Variants in SLC4A3 observed in about 807,000 individuals in gnomAD.
The protein encoded by SLC4A3 is solute carrier family 4 member 3.
Under a neutral mutation model 114.2 loss-of-function variants are expected in SLC4A3, and 47 were observed. The ratio of observed to expected loss-of-function variants is 0.41; its 90% CI spans 0.33 to 0.52. The LOEUF is 0.52. Among genes scored for constraint, SLC4A3 ranks in the 20% least tolerant of loss-of-function variants. SLC4A3 has a pLI of 0.21. For missense variants in SLC4A3, 1,312 were observed against 1,668.3 expected (o/e 0.79, Z 3.72); for synonymous variants, 693 against 710.3 (o/e 0.98, Z 0.39).
chr2:219,633,690 G>T (rs1000081988), intron 10 of SLC4A3, among the ~76,000 whole-genome samples, 190 bp from the exon 11 acceptor site: 1 of 152,218 alleles, frequency 6.6e-6, no homozygotes, highest in African/African-American at 2.4e-5. Flanking sequence ...TAAGGCTGAG[G>T]TGGTAGTTGG....
intron 12 of SLC4A3, 52 bp downstream of exon 12, chr2:219,634,656 CT>C (rs1197157508): frequency 1.3e-6 from 2 of 1,575,092 alleles, no homozygotes. Flanking sequence ...CTGCTTACCC[CT>C]GTCCCTCATT....
At position 219,637,378 on chromosome 2, in the gene SLC4A3, G is replaced by T. The variant is rs1282810993; in HGVS notation, c.2536-203G>T. ...TTTTTGTGTTGTATGTGTTATGTGT[G>T]TGTTGTTACGTGTTGTGTGTGTTGT... On this transcript the variant is annotated intron_variant, in intron 16 of 22. Coordinates refer to ENST00000358055, the MANE Select transcript of SLC4A3 (RefSeq NM_005070.4). The surrounding 1 kb of genome is among the most constrained non-coding windows in gnomAD (Gnocchi z 4.6). Among the ~76,000 whole-genome samples, 5 of 151,896 alleles carry T rather than the reference G, an allele frequency of 3.3e-5. No homozygotes were observed. Among genetic ancestry groups the T allele is most frequent in the Non-Finnish European group, 5.9e-5 (4 of 67,904 alleles).
In SLC4A3 at chr2:219,628,370, C is replaced by T; in HGVS notation, c.52-35C>T. The T allele has an allele frequency of 6.3e-7, 1 of 1,576,410 alleles. No homozygotes were observed. The highest frequency in any genetic ancestry group is 1.2e-5 in the South Asian group (1 of 85,334). On this transcript the variant is annotated intron_variant, in intron 2 of 22. Coordinates refer to ENST00000358055, the MANE Select transcript of SLC4A3 (RefSeq NM_005070.4). The surrounding 1 kb of genome is among the most constrained non-coding windows in gnomAD (Gnocchi z 4.8). ...GGGTGGGTGTGGGGCCTTCATGGGTCAGGGGTCCTTAGCAGAGGCCGTCTG... is the reference window on the plus strand; with the variant it reads ...GGGTGGGTGTGGGGCCTTCATGGGTTAGGGGTCCTTAGCAGAGGCCGTCTG...
chr2:219,638,817 G>C lies in SLC4A3; in HGVS notation c.2971G>C (p.Val991Leu), dbSNP rs1160741052. The change falls in exon 19 of 23, where the codon GTT (valine) becomes CTT (leucine). Residue 991 changes from valine (V) to leucine (L), a missense_variant. Coordinates refer to ENST00000358055, the MANE Select transcript of SLC4A3 (RefSeq NM_005070.4). The surrounding 1 kb of genome is among the most constrained non-coding windows in gnomAD (Gnocchi z 7.5). ...GCCGTGGATGATGGTGGCAGCCGCT[G>C]TTCCCGCCCTCCTCGTCCTCATCCT... ...FPPWMMVAAAVPALLVLILIF... is the reference protein window; with the variant it reads ...FPPWMMVAAALPALLVLILIF... 1.9e-6 allele frequency: 3 copies of C among 1,614,168 alleles called. No homozygotes were observed. Among genetic ancestry groups the C allele is most frequent in the Non-Finnish European group, 2.5e-6 (3 of 1,180,042 alleles).
chr2:219,638,445 C>G lies in SLC4A3; in HGVS notation c.2856+192C>G, dbSNP rs542860424. On this transcript the variant is annotated intron_variant, in intron 18 of 22. Transcript: ENST00000358055. This position sits in a 1 kb window ranked among gnomAD's most constrained non-coding sequence, Gnocchi z 7.5. ...GAATCCGGGAGAAGCAGGTGTGGGG[C>G]TGGGAGCAGAATGACAGTATCCCAC... Among the ~76,000 whole-genome samples, 1 of 152,184 alleles carries G rather than the reference C, an allele frequency of 6.6e-6. No homozygotes were observed. The highest frequency in any genetic ancestry group is 1.5e-5 in the Non-Finnish European group (1 of 68,014).
rs150845324 is a variant in SLC4A3 at position 219,634,260 on chromosome 2, A to G, written c.1562-160A>G. Among the ~76,000 whole-genome samples, 16 of 152,360 alleles carry G rather than the reference A, an allele frequency of 1.1e-4. No homozygotes were observed. The East Asian group carries it at 2.3e-3, about 22-fold the overall frequency. On this transcript the variant is annotated intron_variant, in intron 11 of 22. Transcript: ENST00000358055. Reference sequence around the variant, plus strand: ...TTCCATCTGTTGGCGAATTGTAATCAATGTGTAGACACATAAGCGAATAGT... The same window carrying G: ...TTCCATCTGTTGGCGAATTGTAATCGATGTGTAGACACATAAGCGAATAGT...
At position 219,639,635 on chromosome 2, in the gene SLC4A3, G is replaced by A. The variant is rs138004203; in HGVS notation, c.3177G>A (p.Ala1059=). 167 of 1,613,640 alleles carry A rather than the reference G, an allele frequency of 1.0e-4. No individual in the cohort carries two copies. The highest frequency in any genetic ancestry group is 1.3e-4 in the Non-Finnish European group (157 of 1,180,030). ...TCCGCTCCGTCACCCATGTCAATGCGTTGACAGTGATGCGTACTGCCATCG... is the reference window on the plus strand; with the variant it reads ...TCCGCTCCGTCACCCATGTCAATGCATTGACAGTGATGCGTACTGCCATCG... ...ATVRSVTHVN[A]LTVMRTAIAP... The change falls in exon 20 of 23, where the codon GCG becomes GCA. Residue 1059 remains alanine, a synonymous_variant. Coordinates refer to ENST00000358055, the MANE Select transcript of SLC4A3 (RefSeq NM_005070.4). The surrounding 1 kb of genome is among the most constrained non-coding windows in gnomAD (Gnocchi z 5.9).
In SLC4A3 at chr2:219,636,012, G is replaced by A; in HGVS notation, c.2191+121G>A. 1.2e-6 allele frequency: 1 copy of A among 820,848 alleles called. No homozygotes were observed. The highest frequency in any genetic ancestry group is 1.9e-6 in the Non-Finnish European group (1 of 540,524). 50.8% of individuals were successfully genotyped at this position (820,848 alleles called of 1,614,324 possible). ...AGGGGGCCAATGGTTAGATGTGCTA[G>A]CAAAGGTGTAAGCACCTTACAGAGA... On this transcript the variant is annotated intron_variant, in intron 14 of 22. Transcript: ENST00000358055. The surrounding 1 kb of genome is among the most constrained non-coding windows in gnomAD (Gnocchi z 5.5).
At position 219,631,152 on chromosome 2, in the gene SLC4A3, A is replaced by G. The variant is rs540858431; in HGVS notation, c.811+800A>G. 7.6e-6 allele frequency: 9 copies of G among 1,178,078 alleles called. No individual in the cohort carries two copies. The South Asian group carries it at 1.5e-4, about 20-fold the overall frequency. 73.0% of individuals were successfully genotyped at this position (1,178,078 alleles called of 1,614,324 possible). On this transcript the variant is annotated intron_variant, in intron 6 of 22. Coordinates refer to ENST00000358055, the MANE Select transcript of SLC4A3 (RefSeq NM_005070.4). The surrounding 1 kb of genome is among the most constrained non-coding windows in gnomAD (Gnocchi z 6.3). ...GTGCCACCTTCAGCTCTGGTTGGAC[A>G]GAAGCCACCCCGTCCAGGCTCCCAC... is the stretch of plus-strand genomic sequence containing the variant.
rs1698779730 is a variant in SLC4A3, at chr2:219,628,064, C to T, written c.51+21C>T. 3 of 1,526,496 alleles carry T rather than the reference C, an allele frequency of 2.0e-6. No individual in the cohort carries two copies. Among genetic ancestry groups the T allele is most frequent in the Non-Finnish European group, 2.6e-6 (3 of 1,134,680 alleles). 94.6% of individuals were successfully genotyped at this position (1,526,496 alleles called of 1,614,324 possible). A position where few individuals can be genotyped will look rare whatever the true frequency, so the allele number is the denominator to read the frequency against. On this transcript the variant is annotated intron_variant, in intron 2 of 22. Coordinates refer to ENST00000358055, the MANE Select transcript of SLC4A3 (RefSeq NM_005070.4). The surrounding 1 kb of genome is among the most constrained non-coding windows in gnomAD (Gnocchi z 4.8). Reference sequence around the variant, plus strand: ...CCCAGGTGATCGGCGCGCGCGGGGGCGGGGGAGAGATGGGGGAGGAGAGGG... The same window carrying T: ...CCCAGGTGATCGGCGCGCGCGGGGGTGGGGGAGAGATGGGGGAGGAGAGGG...
rs1699151876 is a variant in SLC4A3, at chr2:219,637,264, T to C, written c.2536-317T>C. Reference sequence around the variant, plus strand: ...TTGTGTGTGATGTATGTGTTGTGTGTGTGTGCGTGTGTGTGCCTGTGTGTG... The same window carrying C: ...TTGTGTGTGATGTATGTGTTGTGTGCGTGTGCGTGTGTGTGCCTGTGTGTG... On this transcript the variant is annotated intron_variant, in intron 16 of 22. Coordinates refer to ENST00000358055, the MANE Select transcript of SLC4A3 (RefSeq NM_005070.4). The surrounding 1 kb of genome is among the most constrained non-coding windows in gnomAD (Gnocchi z 4.6). 2.0e-5 allele frequency among the ~76,000 whole-genome samples: 3 copies of C among 151,362 alleles called. No individual in the cohort carries two copies. Among genetic ancestry groups the C allele is most frequent in the South Asian group, 4.2e-4 (2 of 4,778 alleles).
chr2:219,635,488 C>A lies in SLC4A3; in HGVS notation c.1964C>A (p.Pro655His). ...EMTTRGGYTA[P>H]GKELSLELGG... ...ACCACACGGGGTGGCTACACGGCCC[C>A]TGGGAAAGGTCAGACCCTTGGAGGC... The change falls in exon 13 of 23, where the codon CCT (proline) becomes CAT (histidine). Residue 655 changes from proline to histidine, a missense_variant. Around this residue, in one of 4 missense-constraint regions of SLC4A3, gnomAD observed 771 missense variants for 977.7 expected, o/e 0.79. Coordinates refer to ENST00000358055, the MANE Select transcript of SLC4A3 (RefSeq NM_005070.4). 1 of 1,609,306 alleles carries A rather than the reference C, an allele frequency of 6.2e-7. No homozygotes were observed. The highest frequency in any genetic ancestry group is 1.3e-5 in the African/African-American group (1 of 74,920).
In SLC4A3 at chr2:219,630,609, G is replaced by T. The variant is rs79189771; in HGVS notation, c.811+257G>T. On this transcript the variant is annotated intron_variant, in intron 6 of 22. Transcript: ENST00000358055. The surrounding 1 kb of genome is among the most constrained non-coding windows in gnomAD (Gnocchi z 6.9). Reference sequence around the variant, plus strand: ...GTCCTCTGAGTCACCCCTAGAAAAAGGCAGCTCTCTTTTTCACATTACTGT... The same window carrying T: ...GTCCTCTGAGTCACCCCTAGAAAAATGCAGCTCTCTTTTTCACATTACTGT... 6.8e-3 allele frequency among the ~76,000 whole-genome samples: 1,035 copies of T among 152,212 alleles called. 12 individuals are homozygous for T. The highest frequency in any genetic ancestry group is 0.023 in the African/African-American group (948 of 41,518).
Position 219,632,284 on chromosome 2 carries a change from TGATGCTG to T in SLC4A3, c.986_992del (p.Met329ThrfsTer73). On this transcript the variant is annotated frameshift_variant, in exon 8 of 23. Transcript: ENST00000358055. LOFTEE classifies it high-confidence loss of function. ...CAGGTGTTCGTGGAGCTGAACGAGC[TGATGCTG>T]GACCGCAGCCAGGAGCCCCACTGGC... 6.2e-7 allele frequency: 1 copy of T among 1,614,052 alleles called. No homozygotes were observed. Among genetic ancestry groups the T allele is most frequent in the Non-Finnish European group, 8.5e-7 (1 of 1,180,014 alleles).
In SLC4A3 at chr2:219,638,262, G is replaced by T. The variant is rs1559205019; in HGVS notation, c.2856+9G>T. 1.9e-6 allele frequency: 3 copies of T among 1,601,066 alleles called. No homozygotes were observed. Among genetic ancestry groups the T allele is most frequent in the African/African-American group, 2.7e-5 (2 of 74,748 alleles). ...CAGACACCTACACGCAGGTGAGGGA[G>T]CCCCAGCCTGTGGCAGCTGCTGTCA... On this transcript the variant is annotated intron_variant, in intron 18 of 22. Transcript: ENST00000358055. The surrounding 1 kb of genome is among the most constrained non-coding windows in gnomAD (Gnocchi z 7.5).
chr2:219,636,900 G>T lies in SLC4A3; in HGVS notation c.2535+26G>T. Reference sequence around the variant, plus strand: ...GTGGAGGTCCAGCGAGGTCTTGGGGGTGGCAGAGATGGAGGTGGACATTGC... The same window carrying T: ...GTGGAGGTCCAGCGAGGTCTTGGGGTTGGCAGAGATGGAGGTGGACATTGC... On this transcript the variant is annotated intron_variant, in intron 16 of 22. Coordinates refer to ENST00000358055, the MANE Select transcript of SLC4A3 (RefSeq NM_005070.4). This position sits in a 1 kb window ranked among gnomAD's most constrained non-coding sequence, Gnocchi z 5.5. 1 of 1,592,812 alleles carries T rather than the reference G, an allele frequency of 6.3e-7. No homozygotes were observed. The highest frequency in any genetic ancestry group is 1.1e-5 in the South Asian group (1 of 89,508).
In SLC4A3 at chr2:219,637,911, C is replaced by A. The variant is rs1699186178; in HGVS notation, c.2766+100C>A. On this transcript the variant is annotated intron_variant, in intron 17 of 22. Coordinates refer to ENST00000358055, the MANE Select transcript of SLC4A3 (RefSeq NM_005070.4). The surrounding 1 kb of genome is among the most constrained non-coding windows in gnomAD (Gnocchi z 4.6). ...CCCCTTCCCCGGTCAGCCCATGGACCAAAACCCAGCTCGGGCAGCCCCTCA... is the reference window on the plus strand; with the variant it reads ...CCCCTTCCCCGGTCAGCCCATGGACAAAAACCCAGCTCGGGCAGCCCCTCA... 1 of 970,668 alleles carries A rather than the reference C, an allele frequency of 1.0e-6. No individual in the cohort carries two copies. The highest frequency in any genetic ancestry group is 1.6e-6 in the Non-Finnish European group (1 of 621,808). The allele number at this position is 970,668 out of a possible 1,614,324, so 60.1% of individuals were successfully genotyped here. A position where few individuals can be genotyped will look rare whatever the true frequency, so the allele number is the denominator to read the frequency against.
Position 219,637,855 on chromosome 2 carries a change from C to A in SLC4A3, c.2766+44C>A. On this transcript the variant is annotated intron_variant, in intron 17 of 22. Coordinates refer to ENST00000358055, the MANE Select transcript of SLC4A3 (RefSeq NM_005070.4). The surrounding 1 kb of genome is among the most constrained non-coding windows in gnomAD (Gnocchi z 4.6). ...TGGAGCCCCCAAGAGTCCCACAATT[C>A]CTGCTGTAGGAGCTCCCCAGAGAGG... 6.8e-7 allele frequency: 1 copy of A among 1,475,260 alleles called. No homozygotes were observed. The highest frequency in any genetic ancestry group is 9.5e-7 in the Non-Finnish European group (1 of 1,054,770). The allele number at this position is 1,475,260 out of a possible 1,614,324, so 91.4% of individuals were successfully genotyped here.
At chr2:219,635,946 A>C (rs1574653794) in intron 14 of SLC4A3, 55 bp downstream of exon 14, 1 of 1,355,726 alleles carries the variant, frequency 7.4e-7, no homozygotes, top group Non-Finnish European at 9.8e-7. Context: ...TTCTGGTCCC[A>C]GTGTCACTTG....
Sources: allele counts gnomAD v4.1 joint callset (sites outside exome capture counted in the v4.1 genomes callset), GRCh38; gene constraint gnomAD v4.1.1; regional missense constraint gnomAD v4.1.1; non-coding constraint Gnocchi (gnomAD v3.1); transcripts MANE v1.5; gene names NCBI Gene and HGNC (gene_info 2026-07-23, HGNC 2026-07-21).